The following IL22RA2 variants were observed in gnomAD, a reference collection of about 807,000 sequenced individuals.
IL22RA2 encodes interleukin-22 receptor subunit alpha-2.
A neutral mutation model predicts 30.7 loss-of-function variants in IL22RA2; 39 were observed. That is an observed-to-expected ratio of 1.27 (90% confidence interval 0.98 to 1.66). The LOEUF is 1.66. Ranked by LOEUF, IL22RA2 falls within the 40% of genes most tolerant of loss-of-function variation. IL22RA2 has a pLI of 0.00. For synonymous variants in IL22RA2, 103 were observed against 105.0 expected (o/e 0.98, Z 0.11); for missense variants, 315 against 312.7 (o/e 1.01, Z -0.05).
rs546560553 is a variant in IL22RA2 at position 137,152,447 on chromosome 6, G to C, written c.472+2494C>G. Among the ~76,000 whole-genome samples the C allele has an allele frequency of 1.7e-3, 260 of 152,266 alleles. 1 individual carries two copies. The highest frequency in any genetic ancestry group is 5.8e-3 in the African/African-American group (241 of 41,566). Reference sequence around the variant, plus strand: ...TGAATGAACTTTGAAAACACGTTAAGTGAAAGAAGCCAGTCAAAAAAATCA... The same window carrying C: ...TGAATGAACTTTGAAAACACGTTAACTGAAAGAAGCCAGTCAAAAAAATCA... On this transcript the variant is annotated intron_variant, in intron 5 of 6. Transcript: ENST00000296980.
chr6:137,158,352 G>T lies in IL22RA2; in HGVS notation c.192C>A (p.Tyr64Ter), dbSNP rs35962884. ...AGGAGGCTCAATTTACTTACATTTT[G>T]TACTGCACAAAATAGACACTGCTGT... is the stretch of plus-strand genomic sequence containing the variant. The part of the protein sequence containing the change: ...TGNSSVYFVQ[Y>*]KIMFSCSMKS... The change falls in exon 3 of 7, where the codon TAC becomes TAA. Residue 64 changes from tyrosine (Y) to a stop codon, truncating the protein, a stop_gained. Coordinates refer to ENST00000296980, the MANE Select transcript of IL22RA2 (RefSeq NM_052962.3). LOFTEE classifies it high-confidence loss of function. The T allele has an allele frequency of 2.0e-5, 32 of 1,614,110 alleles. No homozygotes were observed. Among genetic ancestry groups the T allele is most frequent in the Middle Eastern group, 3.3e-4 (2 of 6,062 alleles).
At position 137,145,099 on chromosome 6, in the gene IL22RA2, T is replaced by A. The variant is rs1263509484; in HGVS notation, c.*525A>T. On this transcript the variant is annotated 3_prime_UTR_variant, in exon 7 of 7. Transcript: ENST00000296980. ...TAGAAATATTTAATAATAATAAATA[T>A]ATAAAAAGTATATTCATATAAAATA... 1.3e-5 allele frequency: 2 copies of A among 151,128 alleles called. No homozygotes were observed. Among genetic ancestry groups the A allele is most frequent in the African/African-American group, 4.8e-5 (2 of 41,330 alleles). 9.4% of individuals were successfully genotyped at this position (151,128 alleles called of 1,614,324 possible).
chr6:137,162,527 C>T (rs1470122540), intron 1 of IL22RA2, among the ~76,000 whole-genome samples: 1 of 152,176 alleles, frequency 6.6e-6, no homozygotes, highest in Non-Finnish European at 1.5e-5. Context: ...GAAGACACTC[C>T]TTTTGAGCTA....
chr6:137,145,451 A>G lies in IL22RA2; in HGVS notation c.*173T>C, dbSNP rs1778158465. Reference sequence around the variant, plus strand: ...AATGTCGTTCAAATATAGTTTACAAATGAAATATAAAGGATAAAAGAATGG... The same window carrying G: ...AATGTCGTTCAAATATAGTTTACAAGTGAAATATAAAGGATAAAAGAATGG... On this transcript the variant is annotated 3_prime_UTR_variant, in exon 7 of 7. Transcript: ENST00000296980. 5.6e-6 allele frequency: 3 copies of G among 538,656 alleles called. No homozygotes were observed. The highest frequency in any genetic ancestry group is 3.1e-5 in the South Asian group (1 of 32,016). 33.4% of individuals were successfully genotyped at this position (538,656 alleles called of 1,614,324 possible).
chr6:137,153,151 G>C (rs1238693163), intron 5 of IL22RA2, among the ~76,000 whole-genome samples: 7 of 152,144 alleles, frequency 4.6e-5, no homozygotes, highest in Non-Finnish European at 1.5e-5. Flanking sequence ...TACACCCATA[G>C]ATGTAGTCAA....
intron 1 of IL22RA2, among the ~76,000 whole-genome samples, chr6:137,171,590 C>G (rs1377645277): frequency 2.0e-5 from 3 of 152,288 alleles, no homozygotes; most frequent in African/African-American, 7.2e-5. Context: ...ATCCCAACCC[C>G]ATGACCCAGC....
At chr6:137,156,977 GA>G in intron 3 of IL22RA2, 123 bp from the exon 4 acceptor site, 1 of 1,341,318 alleles carries the variant, frequency 7.5e-7, no homozygotes. Flanking sequence ...GCAAGAGTGA[GA>G]ACTCACTCAA....
Position 137,161,827 on chromosome 6 carries a change from C to T in IL22RA2, c.-65-13G>A, listed in dbSNP as rs1020370435. Reference sequence around the variant, plus strand: ...ACCAAAGAGGAAACTGTAAAATCCACAAACAGACAATCACTCCCGGGTTTA... The same window carrying T: ...ACCAAAGAGGAAACTGTAAAATCCATAAACAGACAATCACTCCCGGGTTTA... On this transcript the variant is annotated splice_polypyrimidine_tract_variant and intron_variant, in intron 1 of 6. Coordinates refer to ENST00000296980, the MANE Select transcript of IL22RA2 (RefSeq NM_052962.3). The T allele has an allele frequency of 1.8e-6, 2 of 1,124,062 alleles. No homozygotes were observed. The highest frequency in any genetic ancestry group is 2.7e-6 in the Non-Finnish European group (2 of 752,414). 69.6% of individuals were successfully genotyped at this position (1,124,062 alleles called of 1,614,324 possible).
chr6:137,164,557 C>A (rs1778589454), intron 1 of IL22RA2, among the ~76,000 whole-genome samples: 1 of 152,226 alleles, frequency 6.6e-6, no homozygotes. Flanking sequence ...CACTATGCAC[C>A]AATTTATCCA....
intron 5 of IL22RA2, among the ~76,000 whole-genome samples, chr6:137,149,366 C>G (rs910200112): frequency 1.3e-5 from 2 of 152,160 alleles, no homozygotes; most frequent in Non-Finnish European, 2.9e-5. Context: ...AAACCAAACT[C>G]ATAATCTCTA....
chr6:137,147,038 G>A (rs2114346013), intron 6 of IL22RA2, among the ~76,000 whole-genome samples: 1 of 150,542 alleles, frequency 6.6e-6, no homozygotes, highest in South Asian at 2.1e-4. Context: ...ATAATCATGT[G>A]ATTCAAAAGC....
intron 5 of IL22RA2, 47 bp downstream of exon 5, chr6:137,154,894 G>A: frequency 6.4e-7 from 1 of 1,572,968 alleles, no homozygotes; most frequent in African/African-American, 1.3e-5. Flanking sequence ...CGGGAGGGCT[G>A]TCCAAAAGCA....
At chr6:137,172,623 G>A (rs1412665011) in intron 1 of IL22RA2, among the ~76,000 whole-genome samples, 1 of 152,206 alleles carries the variant, frequency 6.6e-6, no homozygotes, top group Admixed American at 6.5e-5. Context: ...TGAAATGCTG[G>A]CTTCATTCCC....
intron 5 of IL22RA2, among the ~76,000 whole-genome samples, chr6:137,152,511 G>A (rs1337815413): frequency 6.6e-6 from 1 of 152,194 alleles, no homozygotes; most frequent in Non-Finnish European, 1.5e-5. Flanking sequence ...GAACTCTATA[G>A]AGACAGAAAG....
intron 1 of IL22RA2, 105 bp from the exon 2 acceptor site, chr6:137,161,919 G>C (rs1778529632): frequency 2.1e-6 from 1 of 466,288 alleles, no homozygotes; most frequent in South Asian, 5.0e-5. Context: ...TTTATTTTAG[G>C]AAAAATATGA....
intron 1 of IL22RA2, among the ~76,000 whole-genome samples, chr6:137,172,536 A>G (rs1291608501): frequency 6.6e-6 from 1 of 152,248 alleles, no homozygotes; most frequent in African/African-American, 2.4e-5. Flanking sequence ...GAATTGTTTC[A>G]AATGAAATGC....
chr6:137,159,790 C>T (rs1778485541), intron 2 of IL22RA2, among the ~76,000 whole-genome samples: 2 of 152,212 alleles, frequency 1.3e-5, no homozygotes, highest in African/African-American at 4.8e-5. Context: ...CTGGATTTCA[C>T]ATGGCTCATT....
At chr6:137,158,829 A>G (rs1582604327) in intron 2 of IL22RA2, among the ~76,000 whole-genome samples, 2 of 152,180 alleles carry the variant, frequency 1.3e-5, no homozygotes, top group East Asian at 1.9e-4. Context: ...GACCCACACT[A>G]AGACCACCAA....
chr6:137,169,273 C>T (rs1257106099), intron 1 of IL22RA2, among the ~76,000 whole-genome samples: 2 of 152,204 alleles, frequency 1.3e-5, no homozygotes, highest in African/African-American at 4.8e-5. Flanking sequence ...ATAGATGATT[C>T]CTCTGTGTCA....
Sources: gnomAD v4.1 joint callset for allele counts (sites outside exome capture counted in the v4.1 genomes callset) on GRCh38, gnomAD v4.1.1 for gene constraint, MANE v1.5 for transcripts, NCBI Gene and HGNC (gene_info 2026-07-23, HGNC 2026-07-21) for gene names.